Variants in CNTNAP2 observed in about 807,000 individuals in gnomAD.
The protein encoded by CNTNAP2 is contactin-associated protein-like 2.
In CNTNAP2, 98 loss-of-function variants were observed where a neutral mutation model predicts 155.2. That is an observed-to-expected ratio of 0.63 (90% CI 0.54 to 0.75). The LOEUF is 0.75. Ranked by LOEUF, CNTNAP2 falls within the 30% of genes least tolerant of loss-of-function variation. The probability of loss-of-function intolerance (pLI) is 0.00; values close to 1 mark genes in which losing one functional copy is unlikely to be tolerated. For missense variants in CNTNAP2, 1,727 were observed against 1,688.1 expected, an observed-to-expected ratio of 1.02 and a Z score of -0.40; for synonymous variants, 651 against 631.2, an observed-to-expected ratio of 1.03 and a Z score of -0.47.
intron 1 of CNTNAP2, among the ~76,000 whole-genome samples, chr7:146,464,509 C>G (rs895891132): frequency 2.6e-5 from 4 of 151,988 alleles, no homozygotes; most frequent in African/African-American, 9.7e-5. Context: ...TCCATAAAAC[C>G]CATTAGAGGT....
In CNTNAP2 at chr7:147,555,980, TC is replaced by T. The variant is rs1047635066; in HGVS notation, c.1778-6157del. Among the ~76,000 whole-genome samples the T allele has an allele frequency of 1.2e-3, 187 of 152,352 alleles. 1 individual carries two copies. Among genetic ancestry groups the T allele is most frequent in the Middle Eastern group, 3.4e-3 (1 of 294 alleles). ...TCTTTACTCTTAAACCTTTTGCTTT[TC>T]TCTTTCTGCCAGCATTTTGGCAATC... On this transcript the variant is annotated intron_variant, in intron 11 of 23. Coordinates refer to ENST00000361727, the MANE Select transcript of CNTNAP2 (RefSeq NM_014141.6).
intron 8 of CNTNAP2, among the ~76,000 whole-genome samples, chr7:147,226,602 G>A (rs965777159): frequency 7.9e-5 from 12 of 151,856 alleles, no homozygotes; most frequent in African/African-American, 1.2e-4. Context: ...TCAACATATC[G>A]TTGGCAGGTT....
At chr7:148,323,926 C>G (rs1038863390) in intron 21 of CNTNAP2, among the ~76,000 whole-genome samples, 6 of 145,574 alleles carry the variant, frequency 4.1e-5, no homozygotes, top group Non-Finnish European at 6.0e-5. Context: ...CACTCTTGCC[C>G]AGGCTGGAGT....
chr7:147,452,268 C>T (rs1797846417), intron 10 of CNTNAP2, among the ~76,000 whole-genome samples: 2 of 152,130 alleles, frequency 1.3e-5, no homozygotes, highest in Admixed American at 6.6e-5. Flanking sequence ...CCTATACATG[C>T]CACTCCTTAG....
intron 3 of CNTNAP2, among the ~76,000 whole-genome samples, chr7:146,873,401 C>G (rs1205913655): frequency 6.6e-6 from 1 of 152,200 alleles, no homozygotes; most frequent in Non-Finnish European, 1.5e-5. Context: ...TGGTCTGGCT[C>G]TTATTTTTTC....
chr7:147,190,169 C>A (rs1802654222), intron 8 of CNTNAP2, among the ~76,000 whole-genome samples: 1 of 152,232 alleles, frequency 6.6e-6, no homozygotes. Context: ...AGTATCCTAG[C>A]ATCAAAAGAA....
intron 13 of CNTNAP2, among the ~76,000 whole-genome samples, chr7:147,759,957 G>A (rs954807797): frequency 6.6e-6 from 1 of 151,976 alleles, no homozygotes; most frequent in Non-Finnish European, 1.5e-5. Flanking sequence ...ATACCTTCAG[G>A]AGGCCTGATT....
intron 13 of CNTNAP2, among the ~76,000 whole-genome samples, chr7:147,858,768 A>C (rs1240387155): frequency 6.6e-6 from 1 of 152,172 alleles, no homozygotes; most frequent in African/African-American, 2.4e-5. Context: ...GCCAAGAGGA[A>C]TTAAGGATTG....
At chr7:146,844,705 C>T (rs928667925) in intron 3 of CNTNAP2, among the ~76,000 whole-genome samples, 20 of 152,122 alleles carry the variant, frequency 1.3e-4, no homozygotes, top group African/African-American at 4.3e-4. Flanking sequence ...CTTCTTTACA[C>T]ACCACTATTA....
intron 1 of CNTNAP2, among the ~76,000 whole-genome samples, chr7:146,627,747 C>G (rs1355754478): frequency 2.0e-5 from 3 of 152,068 alleles, no homozygotes; most frequent in African/African-American, 7.2e-5. Context: ...TCACCAACTT[C>G]CTTATTTAGG....
chr7:146,716,360 A>C (rs1014268515), intron 1 of CNTNAP2, among the ~76,000 whole-genome samples: 3 of 152,032 alleles, frequency 2.0e-5, no homozygotes, highest in African/African-American at 7.3e-5. Flanking sequence ...AGGATCAAAG[A>C]AATCAGTGGT....
intron 10 of CNTNAP2, among the ~76,000 whole-genome samples, chr7:147,450,966 C>T (rs1243507423): frequency 6.6e-6 from 1 of 152,234 alleles, no homozygotes; most frequent in East Asian, 1.9e-4. Flanking sequence ...AACAACTCCA[C>T]ATTAAATCCA....
intron 4 of CNTNAP2, among the ~76,000 whole-genome samples, chr7:147,099,221 G>A (rs73740586): frequency 0.045 from 6,838 of 152,228 alleles, 195 homozygotes; most frequent in Non-Finnish European, 0.067. Context: ...ACGGATCATG[G>A]TCCAGAAGAG....
chr7:147,239,904 T>A (rs949677912), intron 8 of CNTNAP2, among the ~76,000 whole-genome samples: 2 of 152,144 alleles, frequency 1.3e-5, no homozygotes, highest in African/African-American at 2.4e-5. Context: ...TTTTCATATA[T>A]AATATTTTTT....
chr7:147,110,965 T>G (rs1484106558), intron 5 of CNTNAP2, among the ~76,000 whole-genome samples: 3 of 152,210 alleles, frequency 2.0e-5, no homozygotes, highest in Non-Finnish European at 4.4e-5. Context: ...TCTTCCACAA[T>G]GATTGAACTA....
intron 3 of CNTNAP2, among the ~76,000 whole-genome samples, chr7:146,959,887 T>C (rs2129230157): frequency 6.6e-6 from 1 of 152,170 alleles, no homozygotes; most frequent in Non-Finnish European, 1.5e-5. Context: ...AAGTCAGTAA[T>C]TATTGGAGAG....
intron 1 of CNTNAP2, among the ~76,000 whole-genome samples, chr7:146,122,166 T>G (rs1797572543): frequency 6.6e-6 from 1 of 152,210 alleles, no homozygotes; most frequent in Non-Finnish European, 1.5e-5. Flanking sequence ...GAAAAGGACC[T>G]AGATGTGCTT....
intron 21 of CNTNAP2, among the ~76,000 whole-genome samples, chr7:148,367,240 TAAAAG>T (rs571264987): frequency 0.042 from 6,341 of 149,648 alleles, 147 homozygotes; most frequent in African/African-American, 0.067. Flanking sequence ...AAAAAAAAAA[TAAAAG>T]AAAAGAAAAA....
intron 2 of CNTNAP2, among the ~76,000 whole-genome samples, chr7:146,839,202 C>T (rs1048358825): frequency 1.3e-5 from 2 of 151,642 alleles, no homozygotes; most frequent in East Asian, 3.9e-4. Flanking sequence ...CTCAGTGGTA[C>T]AGGAAATTAA....
Sources: allele counts gnomAD v4.1 joint callset (sites outside exome capture counted in the v4.1 genomes callset), GRCh38; gene constraint gnomAD v4.1.1; transcripts MANE v1.5; gene names NCBI Gene and HGNC (gene_info 2026-07-23, HGNC 2026-07-21).